Variants in UACA observed in about 807,000 individuals in gnomAD.
UACA encodes the protein nuclear membrane binding protein.
UACA carries 112 observed loss-of-function variants against 160.5 expected under a neutral mutation model. The observed-to-expected ratio is 0.70, with a 90% confidence interval of 0.60 to 0.82. The LOEUF is 0.82. Among genes scored for constraint, UACA ranks in the 40% least tolerant of loss-of-function variants. The pLI is 0.00. For missense variants in UACA, 1,574 were observed against 1,614.6 expected, an observed-to-expected ratio of 0.97 and a Z score of 0.43; for synonymous variants, 557 against 568.4, an observed-to-expected ratio of 0.98 and a Z score of 0.29.
intron 18 of UACA, 51 bp downstream of exon 18, chr15:70,660,100 A>C (rs771150852): frequency 6.9e-7 from 1 of 1,447,096 alleles, no homozygotes; most frequent in Non-Finnish European, 9.5e-7. Flanking sequence ...GAAAATAAAA[A>C]ATTATTATCT....
intron 18 of UACA, among the ~76,000 whole-genome samples, chr15:70,659,406 T>TTTTTG (rs1896614140): frequency 8.1e-6 from 1 of 122,940 alleles, no homozygotes; most frequent in South Asian, 2.7e-4. Flanking sequence ...TTTTTTTTTT[T>TTTTTG]TTTTTTTTTT....
Position 70,656,070 on chromosome 15 carries a change from T to C in UACA, c.*986A>G, listed in dbSNP as rs1489467274. ...TATATACTCTTTCAGTTTACTGTAT[T>C]ACTGTACTTTTCTCTAAAACTTTAA... On this transcript the variant is annotated 3_prime_UTR_variant, in exon 19 of 19. Transcript: ENST00000322954. The C allele has an allele frequency of 6.6e-6, 1 of 152,212 alleles. No individual in the cohort carries two copies. The highest frequency in any genetic ancestry group is 2.4e-5 in the African/African-American group (1 of 41,468). 9.4% of individuals were successfully genotyped at this position (152,212 alleles called of 1,614,324 possible). A position where few individuals can be genotyped will look rare whatever the true frequency, so the allele number is the denominator to read the frequency against.
chr15:70,777,796 C>A, the UACA span, among the ~76,000 whole-genome samples: 1 of 152,148 alleles, frequency 6.6e-6, no homozygotes, highest in Non-Finnish European at 1.5e-5. Context: ...CATTAATAAG[C>A]AACTTCTTCA....
chr15:70,690,020 T>G (rs1897871473), intron 5 of UACA, among the ~76,000 whole-genome samples: 1 of 152,150 alleles, frequency 6.6e-6, no homozygotes, highest in Admixed American at 6.5e-5. Context: ...ATTATTAACT[T>G]CATTTTGCAA....
intron 5 of UACA, among the ~76,000 whole-genome samples, chr15:70,689,919 AAAC>A (rs1198203516): frequency 6.6e-6 from 1 of 152,160 alleles, no homozygotes; most frequent in Non-Finnish European, 1.5e-5. Flanking sequence ...CTCTAAAGGA[AAAC>A]AACTACCACC....
intron 1 of UACA, among the ~76,000 whole-genome samples, chr15:70,756,772 C>A (rs2141016603): frequency 1.3e-5 from 2 of 152,270 alleles, no homozygotes; most frequent in Non-Finnish European, 2.9e-5. Context: ...ACTCGGTAGG[C>A]TGAGCCAGGA....
chr15:70,769,338 C>CAA, the UACA span, among the ~76,000 whole-genome samples: 1,828 of 76,182 alleles, frequency 0.024, 84 homozygotes, highest in African/African-American at 0.08. Flanking sequence ...GACTCCGACT[C>CAA]AAAAAAAAAA....
rs947478059 is a variant in UACA at position 70,738,075 on chromosome 15, T to C, written c.78+25255A>G. 6.8e-4 allele frequency among the ~76,000 whole-genome samples: 103 copies of C among 152,370 alleles called. 1 individual carries two copies. Among genetic ancestry groups the C allele is most frequent in the African/African-American group, 2.4e-3 (99 of 41,594 alleles). On this transcript the variant is annotated intron_variant, in intron 1 of 18. Transcript: ENST00000322954. ...AAATAGACCCATAAGTATATTATTT[T>C]TTAAAAACCAACTTTTCTATTTTAT...
chr15:70,726,306 A>G (rs1899141973), intron 1 of UACA, among the ~76,000 whole-genome samples: 1 of 152,226 alleles, frequency 6.6e-6, no homozygotes, highest in Non-Finnish European at 1.5e-5. Flanking sequence ...TCACCTGGCA[A>G]CAAAGGATTG....
chr15:70,763,420 C>A lies in UACA; in HGVS notation c.-13G>T. Reference sequence around the variant, plus strand: ...TGAGGCTCTTCATGGCTAACTCTTGCCTGGCCCCCGCGCGAACCTTAAAGG... The same window carrying A: ...TGAGGCTCTTCATGGCTAACTCTTGACTGGCCCCCGCGCGAACCTTAAAGG... On this transcript the variant is annotated 5_prime_UTR_variant, in exon 1 of 19. Coordinates refer to ENST00000322954, the MANE Select transcript of UACA (RefSeq NM_018003.4). The A allele has an allele frequency of 7.7e-7, 1 of 1,300,506 alleles. No homozygotes were observed. 80.6% of individuals were successfully genotyped at this position (1,300,506 alleles called of 1,614,324 possible).
At chr15:70,728,318 C>A (rs892730510) in intron 1 of UACA, among the ~76,000 whole-genome samples, 1 of 152,170 alleles carries the variant, frequency 6.6e-6, no homozygotes, top group Non-Finnish European at 1.5e-5. Flanking sequence ...AATCCCAGCA[C>A]TTTGGGAGGC....
intron 1 of UACA, among the ~76,000 whole-genome samples, chr15:70,759,928 C>T (rs1433224001): frequency 1.3e-5 from 2 of 152,180 alleles, no homozygotes; most frequent in Non-Finnish European, 2.9e-5. Context: ...ATTTAGCATG[C>T]TAAGCTAATA....
intron 3 of UACA, among the ~76,000 whole-genome samples, 186 bp from the exon 4 acceptor site, chr15:70,691,549 A>C (rs529457548): frequency 1.3e-5 from 2 of 152,326 alleles, no homozygotes; most frequent in South Asian, 2.1e-4. Context: ...ATACGTACCA[A>C]AACAATGAAG....
At chr15:70,771,788 T>G in the UACA span, among the ~76,000 whole-genome samples, 72 of 151,670 alleles carry the variant, frequency 4.7e-4, no homozygotes, top group African/African-American at 1.7e-3. Flanking sequence ...AGCATAGATG[T>G]GGAGCCAGAA....
chr15:70,664,733 G>C lies in UACA; in HGVS notation c.4042C>G (p.Pro1348Ala). Residue 1348 changes from proline (P) to alanine (A), a missense_variant, in exon 17 of 19, where the codon CCC becomes GCC. Pro to Ala is a conservative substitution (Grantham distance 27). Transcript: ENST00000322954. ...ATCAGCTGGCTCTGCCTCTTGGTGG[G>C]GTTCCCACTTGTGTAGGTGAGTTGG... ...LSQLTYTSGN[P>A]TKRQSQLIDT... 1 of 1,613,576 alleles carries C rather than the reference G, an allele frequency of 6.2e-7. No individual in the cohort carries two copies. The highest frequency in any genetic ancestry group is 8.5e-7 in the Non-Finnish European group (1 of 1,179,826).
Position 70,670,961 on chromosome 15 carries a change from C to T in UACA, c.1221+78G>A, listed in dbSNP as rs192245719. ...TGTATATATACTTAATGTACAATGC[C>T]GCTTTCTCCTCTCTTTATAAAGGCA... On this transcript the variant is annotated intron_variant, in intron 15 of 18. Coordinates refer to ENST00000322954, the MANE Select transcript of UACA (RefSeq NM_018003.4). 424 of 823,954 alleles carry T rather than the reference C, an allele frequency of 5.1e-4. 3 individuals are homozygous for T. In the Middle Eastern group the frequency reaches 8.0e-3, roughly 16 times the overall value. 51.0% of individuals were successfully genotyped at this position (823,954 alleles called of 1,614,324 possible). A position where few individuals can be genotyped will look rare whatever the true frequency, so the allele number is the denominator to read the frequency against.
Position 70,659,395 on chromosome 15 carries a change from G to GTTTTTTTTTTTTTTTTTTTTTTTTTTTT in UACA, c.4179+755_4179+756insAAAAAAAAAAAAAAAAAAAAAAAAAAAA, listed in dbSNP as rs71152307. Among the ~76,000 whole-genome samples, 12 of 18,842 alleles carry GTTTTTTTTTTTTTTTTTTTTTTTTTTTT rather than the reference G, an allele frequency of 6.4e-4. 5 individuals are homozygous for GTTTTTTTTTTTTTTTTTTTTTTTTTTTT. Among genetic ancestry groups the GTTTTTTTTTTTTTTTTTTTTTTTTTTTT allele is most frequent in the East Asian group, 2.3e-3 (1 of 436 alleles). The allele number at this position is 18,842 out of a possible 152,430, so 12.4% of individuals were successfully genotyped here. Reference sequence around the variant, plus strand: ...TCTTTCCCTTCTTCATTTTTTGTTTGTTTTTTTTTTTTTTTTTTTTTTTTT... The same window carrying GTTTTTTTTTTTTTTTTTTTTTTTTTTTT: ...TCTTTCCCTTCTTCATTTTTTGTTTGTTTTTTTTTTTTTTTTTTTTTTTTTTTTTTTTTTTTTTTTTTTTTTTTTTTTT... On this transcript the variant is annotated intron_variant, in intron 18 of 18. Coordinates refer to ENST00000322954, the MANE Select transcript of UACA (RefSeq NM_018003.4).
Position 70,693,059 on chromosome 15 carries a change from C to G in UACA, c.302-1696G>C, listed in dbSNP as rs140962850. Among the ~76,000 whole-genome samples the G allele has an allele frequency of 1.3e-4, 20 of 152,266 alleles. No individual in the cohort carries two copies. The East Asian group carries it at 3.9e-3, about 29-fold the overall frequency. ...ATTTCAATTTGCTCCTGTTCATGGA[C>G]AAGTGTCCTAGAAACATTTCACATT... is the stretch of plus-strand genomic sequence containing the variant. On this transcript the variant is annotated intron_variant, in intron 3 of 18. Transcript: ENST00000322954.
rs369469684 is a variant in UACA, at chr15:70,704,380, T to C, written c.79-4720A>G. Among the ~76,000 whole-genome samples the C allele has an allele frequency of 1.1e-4, 17 of 152,334 alleles. No individual in the cohort carries two copies. The South Asian group carries it at 3.5e-3, about 32-fold the overall frequency. ...CATGAGTGGTTCAGCTGATTGCAAC[T>C]GAGCAAACAGATCCTACTGCTCATG... On this transcript the variant is annotated intron_variant, in intron 1 of 18. Coordinates refer to ENST00000322954, the MANE Select transcript of UACA (RefSeq NM_018003.4).
Sources: gnomAD v4.1 joint callset for allele counts (sites outside exome capture counted in the v4.1 genomes callset) on GRCh38, gnomAD v4.1.1 for gene constraint, MANE v1.5 for transcripts, NCBI Gene and HGNC (gene_info 2026-07-23, HGNC 2026-07-21) for gene names.